USP6NL: variants seen among roughly 807,000 people sequenced by gnomAD.
The protein encoded by USP6NL is USP6 N-terminal like.
In USP6NL, 26 loss-of-function variants were observed where a neutral mutation model predicts 61.9. The observed-to-expected ratio is 0.42, with a 90% CI of 0.31 to 0.58. The LOEUF (loss-of-function observed/expected upper bound fraction) is 0.58. Among genes scored for constraint, USP6NL ranks in the 20% least tolerant of loss-of-function variants. USP6NL has a pLI of 0.16. For synonymous variants in USP6NL, 432 were observed against 390.1 expected, an observed-to-expected ratio of 1.11 and a Z score of -1.27; for missense variants, 1,114 against 1,034.3, an observed-to-expected ratio of 1.08 and a Z score of -1.06.
At chr10:11,580,983 T>C (rs1837745118) in intron 2 of USP6NL, among the ~76,000 whole-genome samples, 1 of 152,146 alleles carries the variant, frequency 6.6e-6, no homozygotes, top group Admixed American at 6.5e-5. Context: ...ACTGGTATAA[T>C]TCTAAAGCAA....
rs1472235482 is a variant in USP6NL, at chr10:11,587,071, T to C, written c.4+10560A>G. On this transcript the variant is annotated intron_variant, in intron 2 of 14. Coordinates refer to ENST00000609104, the MANE Select transcript of USP6NL (RefSeq NM_014688.5). This position sits in a 1 kb window ranked among gnomAD's most constrained non-coding sequence, Gnocchi z 4.5. The stretch of plus-strand genomic sequence containing the variant: ...TACTAAGACCGTACTACTGGCTCAA[T>C]GTCTGGCTTTCCCACCAGTTCCATG... 1.3e-5 allele frequency among the ~76,000 whole-genome samples: 2 copies of C among 152,184 alleles called. No individual in the cohort carries two copies. Among genetic ancestry groups the C allele is most frequent in the Non-Finnish European group, 2.9e-5 (2 of 68,024 alleles).
intron 6 of USP6NL, among the ~76,000 whole-genome samples, chr10:11,506,734 A>ATT (rs61090708): frequency 4.1e-5 from 6 of 146,780 alleles, no homozygotes; most frequent in African/African-American, 1.0e-4. Context: ...CCTTAACAGA[A>ATT]TTTTTTTTTT....
rs977156969 is a variant in USP6NL at position 11,598,487 on chromosome 10, T to C, written c.-83-770A>G. 6.6e-6 allele frequency among the ~76,000 whole-genome samples: 1 copy of C among 152,194 alleles called. No homozygotes were observed. The highest frequency in any genetic ancestry group is 2.4e-5 in the African/African-American group (1 of 41,444). On this transcript the variant is annotated intron_variant, in intron 1 of 14. Transcript: ENST00000609104. This position sits in a 1 kb window ranked among gnomAD's most constrained non-coding sequence, Gnocchi z 4.7. ...AAATCTTCCTTTCTTAATTACTGTATTTCTAAAATATTAATATAGGTATAA... is the reference window on the plus strand; with the variant it reads ...AAATCTTCCTTTCTTAATTACTGTACTTCTAAAATATTAATATAGGTATAA...
At chr10:11,534,562 C>T (rs540482457) in intron 2 of USP6NL, among the ~76,000 whole-genome samples, 2 of 152,222 alleles carry the variant, frequency 1.3e-5, no homozygotes, top group South Asian at 2.1e-4. Flanking sequence ...ACAGTAAAAG[C>T]TTACATATAA....
At chr10:11,559,370 AT>A (rs1836837035) in intron 2 of USP6NL, among the ~76,000 whole-genome samples, 2 of 152,322 alleles carry the variant, frequency 1.3e-5, no homozygotes, top group African/African-American at 2.4e-5. Context: ...CTACTTTGTC[AT>A]TTTTTAGTAC....
At chr10:11,544,916 T>A (rs1249686385) in intron 2 of USP6NL, among the ~76,000 whole-genome samples, 1 of 152,194 alleles carries the variant, frequency 6.6e-6, no homozygotes, top group East Asian at 1.9e-4. Context: ...TATGTACTGA[T>A]TTGGATTCGT....
chr10:11,597,799 T>C lies in USP6NL; in HGVS notation c.-83-82A>G. On this transcript the variant is annotated intron_variant, in intron 1 of 14. Transcript: ENST00000609104. This position sits in a 1 kb window ranked among gnomAD's most constrained non-coding sequence, Gnocchi z 4.6. ...AAAGTTTTCTTAAAGAAAATCATTT[T>C]GTTTCAAAAATATTCTACTATTTCC... The C allele has an allele frequency of 1.8e-6, 1 of 559,406 alleles. No homozygotes were observed. Among genetic ancestry groups the C allele is most frequent in the Admixed American group, 3.3e-5 (1 of 30,144 alleles). 34.7% of individuals were successfully genotyped at this position (559,406 alleles called of 1,614,324 possible). A position where few individuals can be genotyped will look rare whatever the true frequency, so the allele number is the denominator to read the frequency against.
chr10:11,488,825 C>T (rs1266061369), intron 10 of USP6NL, among the ~76,000 whole-genome samples: 1 of 152,116 alleles, frequency 6.6e-6, no homozygotes, highest in Non-Finnish European at 1.5e-5. Flanking sequence ...TTCCTCCAAA[C>T]CTAAATTAGT....
intron 6 of USP6NL, among the ~76,000 whole-genome samples, chr10:11,503,283 G>A (rs992990215): frequency 2.0e-5 from 3 of 152,018 alleles, no homozygotes; most frequent in Admixed American, 1.3e-4. Context: ...TAACATAAGC[G>A]CTCTGACACT....
chr10:11,570,983 TAAAC>T (rs200029721), intron 2 of USP6NL, among the ~76,000 whole-genome samples: 1,604 of 152,324 alleles, frequency 0.011, 31 homozygotes, highest in African/African-American at 0.034. Context: ...GTTGCCTAAC[TAAAC>T]AAACACTTAT....
intron 7 of USP6NL, among the ~76,000 whole-genome samples, chr10:11,500,580 A>T (rs1160097578): frequency 6.6e-6 from 1 of 152,200 alleles, no homozygotes; most frequent in Admixed American, 6.5e-5. Context: ...ACTCAGTCAA[A>T]AGTTTAACTT....
chr10:11,525,383 T>C lies in USP6NL; in HGVS notation c.155+3A>G. 2.5e-6 allele frequency: 4 copies of C among 1,596,110 alleles called. No individual in the cohort carries two copies. The highest frequency in any genetic ancestry group is 3.4e-6 in the Non-Finnish European group (4 of 1,175,292). ...AAGCAAGCTTTCAATCTATGTGACTTACTGTAAAAAGCCAAATCTATCTGT... is the reference window on the plus strand; with the variant it reads ...AAGCAAGCTTTCAATCTATGTGACTCACTGTAAAAAGCCAAATCTATCTGT... On this transcript the variant is annotated splice_donor_region_variant and intron_variant, in intron 4 of 14. Transcript: ENST00000609104. This position sits in a 1 kb window ranked among gnomAD's most constrained non-coding sequence, Gnocchi z 5.0.
chr10:11,537,425 T>G lies in USP6NL; in HGVS notation c.5-9858A>C, dbSNP rs764328386. 6.6e-6 allele frequency among the ~76,000 whole-genome samples: 1 copy of G among 152,218 alleles called. No individual in the cohort carries two copies. The highest frequency in any genetic ancestry group is 1.5e-5 in the Non-Finnish European group (1 of 68,040). On this transcript the variant is annotated intron_variant, in intron 2 of 14. Coordinates refer to ENST00000609104, the MANE Select transcript of USP6NL (RefSeq NM_014688.5). The surrounding 1 kb of genome is among the most constrained non-coding windows in gnomAD (Gnocchi z 5.1). ...CAAAGCCCGGCCTACTCCTCTAGTTTAAGTATGCATTATCTGATACAATCA... is the reference window on the plus strand; with the variant it reads ...CAAAGCCCGGCCTACTCCTCTAGTTGAAGTATGCATTATCTGATACAATCA...
Position 11,598,595 on chromosome 10 carries a change from A to G in USP6NL, c.-83-878T>C, listed in dbSNP as rs1838405882. Among the ~76,000 whole-genome samples the G allele has an allele frequency of 6.6e-6, 1 of 152,244 alleles. No homozygotes were observed. The highest frequency in any genetic ancestry group is 2.4e-5 in the African/African-American group (1 of 41,456). On this transcript the variant is annotated intron_variant, in intron 1 of 14. Transcript: ENST00000609104. This position sits in a 1 kb window ranked among gnomAD's most constrained non-coding sequence, Gnocchi z 4.7. ...CATATAAAATTCCACAGATAAGATCAGACTCAACACAAAATGTACACCTGT... is the reference window on the plus strand; with the variant it reads ...CATATAAAATTCCACAGATAAGATCGGACTCAACACAAAATGTACACCTGT...
intron 2 of USP6NL, among the ~76,000 whole-genome samples, chr10:11,581,123 CTTA>C (rs752779554): frequency 4.6e-4 from 70 of 151,694 alleles, no homozygotes; most frequent in Non-Finnish European, 8.7e-4. Flanking sequence ...AATAGTTTTT[CTTA>C]TTATTATAAT....
chr10:11,501,047 G>T (rs1834165019), intron 7 of USP6NL, 54 bp downstream of exon 7: 1 of 1,366,728 alleles, frequency 7.3e-7, no homozygotes, highest in Non-Finnish European at 9.9e-7. Flanking sequence ...AATGCTAAAA[G>T]AAATGGATTT....
In USP6NL at chr10:11,463,495, T is replaced by A; in HGVS notation, c.1433A>T (p.Asn478Ile). The A allele has an allele frequency of 6.2e-7, 1 of 1,614,032 alleles. No homozygotes were observed. Among genetic ancestry groups the A allele is most frequent in the Non-Finnish European group, 8.5e-7 (1 of 1,179,890 alleles). ...TTTGGGCACAAACTCCTTCCTGATA[T>A]TTGAAGTGGCGTTGCTATTTTGGTT... ...AANQNSNATS[N>I]IRKEFVPKWN... The change falls in exon 15 of 15, where the codon AAT becomes ATT. Residue 478 changes from asparagine to isoleucine, a missense_variant. Transcript: ENST00000609104. The surrounding 1 kb of genome is among the most constrained non-coding windows in gnomAD (Gnocchi z 6.3).
intron 2 of USP6NL, among the ~76,000 whole-genome samples, chr10:11,594,441 T>G (rs1401910723): frequency 6.6e-6 from 1 of 152,256 alleles, no homozygotes; most frequent in Non-Finnish European, 1.5e-5. Context: ...GAAATCTCAT[T>G]AAGTTGCTTC....
Position 11,509,689 on chromosome 10 carries a change from G to A in USP6NL, c.196-14C>T. On this transcript the variant is annotated splice_polypyrimidine_tract_variant and intron_variant, in intron 5 of 14. Transcript: ENST00000609104. ...CAGGTGCTTTTGCTAAAATAAAATT[G>A]AAATTCATTGTTATTGTTGTTCGTT... 6.5e-7 allele frequency: 1 copy of A among 1,541,190 alleles called. No individual in the cohort carries two copies. Among genetic ancestry groups the A allele is most frequent in the Non-Finnish European group, 8.8e-7 (1 of 1,139,300 alleles).
Sources: gnomAD v4.1 joint callset for allele counts (sites outside exome capture counted in the v4.1 genomes callset) on GRCh38, gnomAD v4.1.1 for gene constraint, Gnocchi (gnomAD v3.1) non-coding constraint, MANE v1.5 for transcripts, NCBI Gene and HGNC (gene_info 2026-07-23, HGNC 2026-07-21) for gene names.